ESRRG: variants seen among roughly 807,000 people sequenced by gnomAD.
ESRRG encodes estrogen related receptor gamma, also known as estrogen-related receptor gamma.
A neutral mutation model predicts 44.0 loss-of-function variants in ESRRG; 13 were observed. The ratio of observed to expected loss-of-function variants is 0.30; its 90% CI spans 0.19 to 0.47. ESRRG has a LOEUF of 0.47. ESRRG is among the 20% of genes least tolerant of loss of function. ESRRG has a pLI of 1.00. For missense variants in ESRRG, 395 were observed against 580.6 expected (o/e 0.68, Z 3.29); for synonymous variants, 215 against 214.6 (o/e 1.00, Z -0.02).
chr1:216,538,630 T>C (rs768636806), intron 5 of ESRRG, among the ~76,000 whole-genome samples: 1 of 152,050 alleles, frequency 6.6e-6, no homozygotes, highest in Non-Finnish European at 1.5e-5. Flanking sequence ...ATGCATCCCC[T>C]AGTTTAAAAA....
intron 2 of ESRRG, among the ~76,000 whole-genome samples, chr1:216,737,107 TAC>T (rs1224626876): frequency 6.6e-6 from 1 of 152,236 alleles, no homozygotes; most frequent in African/African-American, 2.4e-5. Flanking sequence ...CGGCTCAGTT[TAC>T]AGAGAGGAAT....
At chr1:216,666,698 G>A (rs138995510) in intron 2 of ESRRG, among the ~76,000 whole-genome samples, 6 of 152,316 alleles carry the variant, frequency 3.9e-5, no homozygotes, top group Non-Finnish European at 7.3e-5. Flanking sequence ...CCAGTGATCT[G>A]TAGGCAAAGA....
intron 1 of ESRRG, among the ~76,000 whole-genome samples, chr1:217,052,437 T>C (rs1470409570): frequency 6.6e-6 from 1 of 152,176 alleles, no homozygotes; most frequent in Non-Finnish European, 1.5e-5. Context: ...TCTCCATCTG[T>C]AAATCACTCC....
chr1:216,568,340 A>G (rs1485739858), intron 3 of ESRRG, among the ~76,000 whole-genome samples: 1 of 152,216 alleles, frequency 6.6e-6, no homozygotes, highest in African/African-American at 2.4e-5. Flanking sequence ...CAGGGTCACT[A>G]TTTGCACATC....
intron 2 of ESRRG, among the ~76,000 whole-genome samples, chr1:216,911,820 A>G (rs1190037073): frequency 6.6e-6 from 1 of 152,104 alleles, no homozygotes; most frequent in Non-Finnish European, 1.5e-5. Flanking sequence ...CTGTAATCCT[A>G]GCACTTTGGG....
chr1:216,726,178 G>A (rs1258975304), upstream of ESRRG, among the ~76,000 whole-genome samples: 4 of 152,172 alleles, frequency 2.6e-5, no homozygotes, highest in Non-Finnish European at 5.9e-5. Context: ...AAGGTGCAGT[G>A]TTCACTGAAC....
intron 1 of ESRRG, among the ~76,000 whole-genome samples, chr1:217,017,127 T>C (rs927297820): frequency 6.6e-6 from 1 of 152,138 alleles, no homozygotes; most frequent in Non-Finnish European, 1.5e-5. Flanking sequence ...AAAAAGCTTC[T>C]TATTTTAGAA....
intron 2 of ESRRG, among the ~76,000 whole-genome samples, chr1:216,792,456 C>T (rs2094347983): frequency 6.6e-6 from 1 of 152,090 alleles, no homozygotes; most frequent in South Asian, 2.1e-4. Context: ...TAGATACTTA[C>T]AGCCATCAAC....
At chr1:216,786,910 T>C (rs1468843371) in intron 2 of ESRRG, among the ~76,000 whole-genome samples, 3 of 152,162 alleles carry the variant, frequency 2.0e-5, no homozygotes, top group Non-Finnish European at 4.4e-5. Context: ...ATACATAACA[T>C]TTTAGTACGG....
Position 217,035,359 on chromosome 1 carries a change from A to G in ESRRG, c.-106+54148T>C, listed in dbSNP as rs566873811. On this transcript the variant is annotated intron_variant, in intron 1 of 7. Transcript: ENST00000359162. ...AAAAAAAAGTGGTGAGCCAAGTACC[A>G]ATGTGGTGTCTCAGTAAAGAATAGC... Among the ~76,000 whole-genome samples, 320 of 150,472 alleles carry G rather than the reference A, an allele frequency of 2.1e-3. 1 individual carries two copies. The highest frequency in any genetic ancestry group is 7.4e-3 in the African/African-American group (304 of 41,116).
At chr1:216,822,748 T>G (rs528743934) in intron 2 of ESRRG, among the ~76,000 whole-genome samples, 2 of 152,326 alleles carry the variant, frequency 1.3e-5, no homozygotes, top group South Asian at 2.1e-4. Context: ...GCTCTTGAAC[T>G]TTAAATATCC....
intron 1 of ESRRG, among the ~76,000 whole-genome samples, chr1:216,974,019 CT>C (rs2072324642): frequency 6.6e-6 from 1 of 152,110 alleles, no homozygotes; most frequent in African/African-American, 2.4e-5. Flanking sequence ...AACACAGTAA[CT>C]CAGTCACAAA....
intron 2 of ESRRG, among the ~76,000 whole-genome samples, chr1:216,846,503 G>A (rs1172246583): frequency 6.6e-6 from 1 of 152,006 alleles, no homozygotes; most frequent in Non-Finnish European, 1.5e-5. Flanking sequence ...TAGATAAATG[G>A]CTGTGACTAC....
chr1:216,762,818 A>G (rs928449766), intron 2 of ESRRG, among the ~76,000 whole-genome samples: 1 of 152,078 alleles, frequency 6.6e-6, no homozygotes, highest in Non-Finnish European at 1.5e-5. Flanking sequence ...TTAATTCTTG[A>G]GCTCAAAACA....
chr1:216,762,628 C>T (rs1027029275), intron 2 of ESRRG, among the ~76,000 whole-genome samples: 1 of 151,752 alleles, frequency 6.6e-6, no homozygotes, highest in Non-Finnish European at 1.5e-5. Context: ...GTGGGTGCAG[C>T]ACACCAGTAT....
At chr1:216,938,801 C>G (rs1319617895) in intron 2 of ESRRG, among the ~76,000 whole-genome samples, 1 of 152,158 alleles carries the variant, frequency 6.6e-6, no homozygotes, top group African/African-American at 2.4e-5. Context: ...CTTCATCCTT[C>G]CTGAGTTACA....
At chr1:216,671,272 C>T (rs574386826) in intron 2 of ESRRG, among the ~76,000 whole-genome samples, 5 of 152,234 alleles carry the variant, frequency 3.3e-5, no homozygotes, top group East Asian at 1.9e-4. Context: ...TAATTGAGCA[C>T]GATAAGCTAA....
At chr1:216,577,136 G>T (rs1474132737) in intron 3 of ESRRG, among the ~76,000 whole-genome samples, 1 of 151,516 alleles carries the variant, frequency 6.6e-6, no homozygotes, top group South Asian at 2.1e-4. Flanking sequence ...CTATTCAAAA[G>T]GCACTATTTC....
chr1:216,978,297 G>A (rs2150361921), intron 1 of ESRRG, among the ~76,000 whole-genome samples: 1 of 152,222 alleles, frequency 6.6e-6, no homozygotes, highest in East Asian at 1.9e-4. Flanking sequence ...AGCTACTTTT[G>A]CACTATAATG....
Sources: allele counts gnomAD v4.1 joint callset (sites outside exome capture counted in the v4.1 genomes callset), GRCh38; gene constraint gnomAD v4.1.1; transcripts MANE v1.5; gene names NCBI Gene and HGNC (gene_info 2026-07-23, HGNC 2026-07-21).